Variants in LRP1B observed in about 807,000 individuals in gnomAD.
LRP1B encodes LDL receptor related protein 1B, also known as low-density lipoprotein receptor-related protein 1B.
In LRP1B, 217 loss-of-function variants were observed where a neutral mutation model predicts 556.6. The observed-to-expected ratio is 0.39, with a 90% CI of 0.35 to 0.44. The LOEUF (loss-of-function observed/expected upper bound fraction) is 0.44. Ranked by LOEUF, LRP1B falls within the 20% of genes least tolerant of loss-of-function variation. LRP1B has a pLI of 1.00. For missense variants in LRP1B, 5,053 were observed against 5,620.8 expected, an observed-to-expected ratio of 0.90 and a Z score of 3.23; for synonymous variants, 2,047 against 1,865.8, an observed-to-expected ratio of 1.10 and a Z score of -2.50.
intron 43 of LRP1B, among the ~76,000 whole-genome samples, chr2:140,592,446 CT>C (rs990534479): frequency 9.6e-4 from 138 of 143,762 alleles, no homozygotes; most frequent in East Asian, 2.4e-3. Context: ...CAAATATTTC[CT>C]TTTTTTTTTT....
intron 2 of LRP1B, among the ~76,000 whole-genome samples, chr2:141,791,137 G>A (rs994841201): frequency 6.6e-6 from 1 of 151,552 alleles, no homozygotes; most frequent in African/African-American, 2.4e-5. Flanking sequence ...AAGCATTTTG[G>A]CTAAAAAATT....
intron 7 of LRP1B, among the ~76,000 whole-genome samples, chr2:141,181,530 T>C (rs145887244): frequency 6.6e-6 from 1 of 151,506 alleles, no homozygotes; most frequent in Non-Finnish European, 1.5e-5. Context: ...TAACAGACTT[T>C]GAAAATTTAT....
chr2:140,842,572 CTTCTT>C (rs1408962055), intron 29 of LRP1B, among the ~76,000 whole-genome samples: 1 of 151,858 alleles, frequency 6.6e-6, no homozygotes, highest in Admixed American at 6.6e-5. Context: ...CTTCACATTT[CTTCTT>C]ATTTTTAGTT....
chr2:141,264,699 C>G (rs1174939698), intron 3 of LRP1B, among the ~76,000 whole-genome samples: 2 of 152,218 alleles, frequency 1.3e-5, no homozygotes, highest in African/African-American at 2.4e-5. Flanking sequence ...AAGTGATCCA[C>G]CTGCCTTGGC....
chr2:141,204,618 T>C (rs1437819675), intron 6 of LRP1B, among the ~76,000 whole-genome samples: 1 of 152,220 alleles, frequency 6.6e-6, no homozygotes, highest in Non-Finnish European at 1.5e-5. Flanking sequence ...TGTACTCATA[T>C]TGAAATTTAT....
chr2:140,369,810 A>G (rs1043561604), intron 71 of LRP1B, among the ~76,000 whole-genome samples: 4 of 152,014 alleles, frequency 2.6e-5, no homozygotes, highest in African/African-American at 9.7e-5. Flanking sequence ...CAAAAGTAAC[A>G]TTTTAGACAG....
At chr2:141,524,263 A>AATATATATAT (rs76874852) in intron 2 of LRP1B, among the ~76,000 whole-genome samples, 7,728 of 147,952 alleles carry the variant, frequency 0.052, 244 homozygotes, top group Non-Finnish European at 0.074. Flanking sequence ...ATAAGCAAAG[A>AATATATATAT]ATATATATAT....
At chr2:141,999,872 A>C (rs1262537067) in intron 1 of LRP1B, among the ~76,000 whole-genome samples, 5 of 151,736 alleles carry the variant, frequency 3.3e-5, no homozygotes, top group African/African-American at 9.7e-5. Context: ...CAATGATACA[A>C]ACTCCCTAAT....
chr2:141,840,191 T>C (rs1697417377), intron 1 of LRP1B, among the ~76,000 whole-genome samples: 1 of 151,776 alleles, frequency 6.6e-6, no homozygotes, highest in Non-Finnish European at 1.5e-5. Context: ...ATAATTGAGG[T>C]TATATTTGAA....
chr2:141,582,964 T>TA (rs35725375), intron 2 of LRP1B, among the ~76,000 whole-genome samples: 23,439 of 149,658 alleles, frequency 0.16, 2,644 homozygotes, highest in African/African-American at 0.32. Flanking sequence ...GCCTCCTGAG[T>TA]AACTGGGACT....
At chr2:141,516,240 A>G (rs911789704) in intron 2 of LRP1B, among the ~76,000 whole-genome samples, 1 of 151,962 alleles carries the variant, frequency 6.6e-6, no homozygotes, top group Non-Finnish European at 1.5e-5. Context: ...TTCTCTTTCT[A>G]TAACACTCAG....
rs2105000929 is a variant in LRP1B, at chr2:140,297,902, A to T, written c.12873T>A (p.Asp4291Glu). The change falls in exon 84 of 91, where the codon GAT becomes GAA. Residue 4291 changes from aspartate (D) to glutamate (E), a missense_variant. Physicochemically the swap from Asp to Glu is conservative, Grantham distance 45 (BLOSUM62 2). Transcript: ENST00000389484. ...GPNCGKTVCE[D>E]FCQNGGTCIV... is the part of the protein sequence containing the mutation. ...TGCAGGTTCCTCCATTTTGACAAAA[A>T]TCCTCACAGACTGTCTTACCACAGT... 1 of 1,613,998 alleles carries T rather than the reference A, an allele frequency of 6.2e-7. No individual in the cohort carries two copies. Among genetic ancestry groups the T allele is most frequent in the South Asian group, 1.1e-5 (1 of 91,066 alleles).
At chr2:141,499,035 T>C (rs1683617931) in intron 2 of LRP1B, among the ~76,000 whole-genome samples, 1 of 152,082 alleles carries the variant, frequency 6.6e-6, no homozygotes, top group East Asian at 1.9e-4. Context: ...TACTCTGATC[T>C]GAGAAACTAC....
intron 2 of LRP1B, among the ~76,000 whole-genome samples, chr2:141,737,523 A>C (rs1693527669): frequency 6.6e-6 from 1 of 152,210 alleles, no homozygotes; most frequent in Non-Finnish European, 1.5e-5. Context: ...TTTCAAGTTC[A>C]AGAAATATAA....
At chr2:140,554,904 A>T (rs1376115888) in intron 43 of LRP1B, among the ~76,000 whole-genome samples, 2 of 150,276 alleles carry the variant, frequency 1.3e-5, no homozygotes, top group African/African-American at 2.5e-5. Flanking sequence ...ATGAACTACT[A>T]GCTAGGCTTT....
At chr2:140,656,077 T>G (rs568657380) in intron 41 of LRP1B, among the ~76,000 whole-genome samples, 24 of 152,240 alleles carry the variant, frequency 1.6e-4, no homozygotes, top group Non-Finnish European at 3.1e-4. Context: ...ATAGTAATTC[T>G]AAGATAAGTC....
At chr2:142,073,910 T>TC (rs146345219) in intron 1 of LRP1B, among the ~76,000 whole-genome samples, 2,440 of 151,978 alleles carry the variant, frequency 0.016, 29 homozygotes, top group Non-Finnish European at 0.023. Context: ...TCCTGAAGCC[T>TC]CCCCAGAAGT....
chr2:140,439,620 G>T (rs928269205), intron 66 of LRP1B, among the ~76,000 whole-genome samples: 4 of 151,870 alleles, frequency 2.6e-5, no homozygotes, highest in Non-Finnish European at 5.9e-5. Context: ...AAAACTAGGC[G>T]TTAATAAAAT....
chr2:141,952,540 A>G (rs1343824085), intron 1 of LRP1B, among the ~76,000 whole-genome samples: 1 of 152,118 alleles, frequency 6.6e-6, no homozygotes, highest in Non-Finnish European at 1.5e-5. Context: ...TGCTTCTGAA[A>G]ACAGTGGTGG....
Sources: gnomAD v4.1 joint callset for allele counts (sites outside exome capture counted in the v4.1 genomes callset) on GRCh38, gnomAD v4.1.1 for gene constraint, MANE v1.5 for transcripts, NCBI Gene and HGNC (gene_info 2026-07-23, HGNC 2026-07-21) for gene names.